STAT4: variants seen among roughly 807,000 people sequenced by gnomAD.
STAT4 encodes signal transducer and activator of transcription 4.
In STAT4, 42 loss-of-function variants were observed where a neutral mutation model predicts 110.5. The observed-to-expected ratio is 0.38, with a 90% CI of 0.30 to 0.49. STAT4 has a LOEUF of 0.49. STAT4 is among the 20% of genes least tolerant of loss of function. STAT4 has a pLI of 0.95. For missense variants in STAT4, 632 were observed against 887.9 expected (o/e 0.71, Z 3.66); for synonymous variants, 284 against 302.2 (o/e 0.94, Z 0.63).
intron 7 of STAT4, among the ~76,000 whole-genome samples, chr2:191,065,943 T>G (rs1414039844): frequency 2.0e-5 from 3 of 152,218 alleles, no homozygotes; most frequent in African/African-American, 7.2e-5. Flanking sequence ...TGGAAGAAGT[T>G]AGATTGAGTA....
chr2:191,034,661 A>G (rs967795792), intron 17 of STAT4, 64 bp from the exon 18 acceptor site: 5 of 1,233,180 alleles, frequency 4.1e-6, no homozygotes, highest in Non-Finnish European at 4.8e-6. Flanking sequence ...TTTGTGCTCA[A>G]TTTAGATATT....
At chr2:191,074,355 G>A (rs933149254) in intron 4 of STAT4, among the ~76,000 whole-genome samples, 2 of 152,124 alleles carry the variant, frequency 1.3e-5, no homozygotes, top group Non-Finnish European at 2.9e-5. Flanking sequence ...TTGATCAGAT[G>A]TTCTTCCAGT....
chr2:191,148,470 A>G (rs1182639828), intron 1 of STAT4, among the ~76,000 whole-genome samples: 1 of 152,066 alleles, frequency 6.6e-6, no homozygotes, highest in African/African-American at 2.4e-5. Flanking sequence ...ACTCTGCCAA[A>G]CACCCCACAT....
chr2:191,081,888 C>G (rs948885724), intron 3 of STAT4, among the ~76,000 whole-genome samples: 3 of 152,142 alleles, frequency 2.0e-5, no homozygotes, highest in Non-Finnish European at 2.9e-5. Flanking sequence ...AGCATTACCT[C>G]TTTAATTAAA....
rs1698586714 is a variant in STAT4, at chr2:191,116,888, G to A, written c.273+29725C>T. Among the ~76,000 whole-genome samples, 1 of 152,152 alleles carries A rather than the reference G, an allele frequency of 6.6e-6. No individual in the cohort carries two copies. Among genetic ancestry groups the A allele is most frequent in the South Asian group, 2.1e-4 (1 of 4,828 alleles). On this transcript the variant is annotated intron_variant, in intron 3 of 23. Transcript: ENST00000392320. This position sits in a 1 kb window ranked among gnomAD's most constrained non-coding sequence, Gnocchi z 4.1. ...TGAGGTGGACAGTAAATAAATCTTT[G>A]GGAATCCATCGCTTCCACTAAGAAA...
chr2:191,087,839 T>C (rs1000718081), intron 3 of STAT4, among the ~76,000 whole-genome samples: 3 of 152,096 alleles, frequency 2.0e-5, no homozygotes, highest in Non-Finnish European at 4.4e-5. Context: ...TAAAAAGCAA[T>C]TGACTTTCAT....
Position 191,035,805 on chromosome 2 carries a change from T to G in STAT4, c.1570+359A>C, listed in dbSNP as rs1254076825. Among the ~76,000 whole-genome samples, 2 of 152,240 alleles carry G rather than the reference T, an allele frequency of 1.3e-5. No homozygotes were observed. Among genetic ancestry groups the G allele is most frequent in the Non-Finnish European group, 2.9e-5 (2 of 68,034 alleles). On this transcript the variant is annotated intron_variant, in intron 17 of 23. Coordinates refer to ENST00000392320, the MANE Select transcript of STAT4 (RefSeq NM_003151.4). The surrounding 1 kb of genome is among the most constrained non-coding windows in gnomAD (Gnocchi z 4.7). ...CACCATTAAGGGTTCACCTCATATT[T>G]AGTGGAAATATACCCTGGAGACTGG... is the stretch of plus-strand genomic sequence containing the variant.
At chr2:191,121,099 A>G (rs1379595895) in intron 3 of STAT4, among the ~76,000 whole-genome samples, 1 of 152,206 alleles carries the variant, frequency 6.6e-6, no homozygotes, top group Non-Finnish European at 1.5e-5. Flanking sequence ...ACCCCATCAA[A>G]AAGTGGGCGA....
At chr2:191,131,237 A>G (rs1456081390) in intron 3 of STAT4, among the ~76,000 whole-genome samples, 3 of 151,880 alleles carry the variant, frequency 2.0e-5, no homozygotes, top group East Asian at 1.9e-4. Flanking sequence ...AATTTCTTAC[A>G]TATGTGCCCC....
chr2:191,057,164 C>T (rs1202711353), intron 13 of STAT4, among the ~76,000 whole-genome samples: 1 of 152,198 alleles, frequency 6.6e-6, no homozygotes, highest in African/African-American at 2.4e-5. Context: ...TCTCTTATCC[C>T]CCTGCCCTGC....
Position 191,033,391 on chromosome 2 carries a change from C to T in STAT4, c.1852+99G>A, listed in dbSNP as rs1267602160. 7.2e-7 allele frequency: 1 copy of T among 1,393,106 alleles called. No individual in the cohort carries two copies. The highest frequency in any genetic ancestry group is 1.5e-5 in the African/African-American group (1 of 68,842). 86.3% of individuals were successfully genotyped at this position (1,393,106 alleles called of 1,614,324 possible). ...ATATTCAAGCCCACTGAATACATCACAGACAGATCAACACACCATACACTT... is the reference window on the plus strand; with the variant it reads ...ATATTCAAGCCCACTGAATACATCATAGACAGATCAACACACCATACACTT... On this transcript the variant is annotated intron_variant, in intron 20 of 23. Coordinates refer to ENST00000392320, the MANE Select transcript of STAT4 (RefSeq NM_003151.4). The surrounding 1 kb of genome is among the most constrained non-coding windows in gnomAD (Gnocchi z 6.9).
upstream of STAT4, chr2:191,151,156 A>G: frequency 3.0e-6 from 3 of 985,502 alleles, no homozygotes; most frequent in Non-Finnish European, 3.6e-6. This position sits in a 1 kb window ranked among gnomAD's most constrained non-coding sequence, Gnocchi z 4.7. Flanking sequence ...AAATGCTAAC[A>G]CGCAGAAACT....
At chr2:191,101,953 A>G (rs752458368) in intron 3 of STAT4, among the ~76,000 whole-genome samples, 1 of 151,568 alleles carries the variant, frequency 6.6e-6, no homozygotes, top group Admixed American at 6.6e-5. Context: ...ATTACATAAC[A>G]TATAGTGACC....
At position 191,150,724 on chromosome 2, in the gene STAT4, C is replaced by A. The variant is rs2125470859; in HGVS notation, c.-2+223G>T. ...GCCCCCGCAGGGAGATTCGCCCGGG[C>A]ACCGTGGCGCGGGCCTGCGGAGCGG... is the stretch of plus-strand genomic sequence containing the variant. On this transcript the variant is annotated intron_variant, in intron 1 of 23. Coordinates refer to ENST00000392320, the MANE Select transcript of STAT4 (RefSeq NM_003151.4). This position sits in a 1 kb window ranked among gnomAD's most constrained non-coding sequence, Gnocchi z 6.4. Among the ~76,000 whole-genome samples the A allele has an allele frequency of 6.6e-6, 1 of 152,330 alleles. No homozygotes were observed. The highest frequency in any genetic ancestry group is 2.1e-4 in the South Asian group (1 of 4,830).
chr2:191,132,881 A>G (rs1305616837), intron 3 of STAT4, among the ~76,000 whole-genome samples: 2 of 151,098 alleles, frequency 1.3e-5, no homozygotes, highest in Admixed American at 1.3e-4. Context: ...CAGCCTCCCA[A>G]GTAGCTGAGA....
chr2:191,041,215 T>A, intron 14 of STAT4, 67 bp from the exon 15 acceptor site: 1 of 794,468 alleles, frequency 1.3e-6, no homozygotes, highest in Non-Finnish European at 1.7e-6. Context: ...AAGACTTGTT[T>A]CTATATAAAT....
At chr2:191,151,421 A>T, upstream of STAT4, 14 of 985,618 alleles carry the variant, frequency 1.4e-5, no homozygotes, top group Non-Finnish European at 1.7e-5. This position sits in a 1 kb window ranked among gnomAD's most constrained non-coding sequence, Gnocchi z 4.7. Context: ...AGGGATGGGT[A>T]GCCAGGATCA....
intron 3 of STAT4, among the ~76,000 whole-genome samples, chr2:191,094,866 T>C (rs549718527): frequency 3.5e-5 from 4 of 113,750 alleles, no homozygotes; most frequent in African/African-American, 3.4e-5. Flanking sequence ...CAGAGACACA[T>C]ACAGGCTCAA....
intron 3 of STAT4, among the ~76,000 whole-genome samples, chr2:191,130,528 G>A (rs567764766): frequency 1.3e-5 from 2 of 151,608 alleles, no homozygotes; most frequent in Admixed American, 6.6e-5. Flanking sequence ...GGCCTATCTC[G>A]CTTTTTTAAA....
Sources: gnomAD v4.1 joint callset for allele counts (sites outside exome capture counted in the v4.1 genomes callset) on GRCh38, gnomAD v4.1.1 for gene constraint, Gnocchi (gnomAD v3.1) non-coding constraint, MANE v1.5 for transcripts, NCBI Gene and HGNC (gene_info 2026-07-23, HGNC 2026-07-21) for gene names.